The following CDK14 variants were observed in gnomAD, a reference collection of about 807,000 sequenced individuals.
CDK14 encodes the protein cyclin dependent kinase 14.
A neutral mutation model predicts 60.7 loss-of-function variants in CDK14; 34 were observed. That is an observed-to-expected ratio of 0.56 (90% CI 0.43 to 0.75). The LOEUF (loss-of-function observed/expected upper bound fraction) is 0.75. Ranked by LOEUF, CDK14 falls within the 30% of genes least tolerant of loss-of-function variation. The pLI is 0.00. For synonymous variants in CDK14, 197 were observed against 203.7 expected, an observed-to-expected ratio of 0.97 and a Z score of 0.28; for missense variants, 482 against 564.1, an observed-to-expected ratio of 0.85 and a Z score of 1.47.
In CDK14 at chr7:91,156,749, A is replaced by T. The variant is rs925278411; in HGVS notation, c.*28+38541A>T. Among the ~76,000 whole-genome samples, 5 of 152,300 alleles carry T rather than the reference A, an allele frequency of 3.3e-5. 1 individual carries two copies. Among genetic ancestry groups the T allele is most frequent in the Admixed American group, 6.5e-5 (1 of 15,292 alleles). On this transcript the variant is annotated intron_variant, in intron 14 of 14. Coordinates refer to ENST00000380050, the MANE Select transcript of CDK14 (RefSeq NM_001287135.2). ...GAAAAGCCATATGGTTTCAAATGAG[A>T]TTCCCATCACATTCTCTGCATTTGA...
At chr7:90,703,243 A>T (rs1563050316) in intron 2 of CDK14, among the ~76,000 whole-genome samples, 2 of 152,236 alleles carry the variant, frequency 1.3e-5, no homozygotes, top group East Asian at 3.9e-4. Context: ...GAGGTCTTAT[A>T]ATTTAATTCA....
intron 12 of CDK14, among the ~76,000 whole-genome samples, chr7:91,111,885 A>C (rs1270036906): frequency 1.3e-5 from 2 of 152,156 alleles, no homozygotes; most frequent in Non-Finnish European, 2.9e-5. Context: ...TACCACATGA[A>C]AGACTTTATT....
chr7:90,971,172 G>A (rs1203124504), intron 9 of CDK14, among the ~76,000 whole-genome samples: 4 of 141,492 alleles, frequency 2.8e-5, no homozygotes, highest in South Asian at 2.2e-4. Flanking sequence ...TTTTTGTCTC[G>A]TTTTAAAGAT....
rs1000013991 is a variant in CDK14, at chr7:91,097,103, G to A, written c.1155-15439G>A. On this transcript the variant is annotated intron_variant, in intron 12 of 14. Coordinates refer to ENST00000380050, the MANE Select transcript of CDK14 (RefSeq NM_001287135.2). Reference sequence around the variant, plus strand: ...TATTATATAAAAACATATTCGGGCCGGACACAGTGGCTCACACCTGTAATC... The same window carrying A: ...TATTATATAAAAACATATTCGGGCCAGACACAGTGGCTCACACCTGTAATC... Among the ~76,000 whole-genome samples the A allele has an allele frequency of 3.5e-4, 53 of 152,196 alleles. 1 individual carries two copies. Among genetic ancestry groups the A allele is most frequent in the Non-Finnish European group, 1.5e-4 (10 of 67,996 alleles).
intron 10 of CDK14, among the ~76,000 whole-genome samples, chr7:91,044,485 T>G (rs1179846874): frequency 6.6e-6 from 1 of 152,164 alleles, no homozygotes; most frequent in Non-Finnish European, 1.5e-5. Flanking sequence ...CTATCAGTCT[T>G]AAGGCCTGTG....
intron 12 of CDK14, among the ~76,000 whole-genome samples, chr7:91,110,244 T>C (rs1341444498): frequency 6.6e-6 from 1 of 152,134 alleles, no homozygotes; most frequent in Non-Finnish European, 1.5e-5. Context: ...CAAATATGTA[T>C]TAACTAAATA....
At chr7:91,051,864 CAT>C (rs1797402790) in intron 11 of CDK14, among the ~76,000 whole-genome samples, 1 of 152,148 alleles carries the variant, frequency 6.6e-6, no homozygotes, top group Admixed American at 6.5e-5. Flanking sequence ...TGCTGTGGTT[CAT>C]ATGTCTCTGC....
intron 14 of CDK14, among the ~76,000 whole-genome samples, chr7:91,161,181 G>A (rs987199534): frequency 1.3e-5 from 2 of 152,140 alleles, no homozygotes; most frequent in Admixed American, 6.5e-5. Flanking sequence ...GGGTCTGGAC[G>A]GGTTGATAGG....
chr7:90,885,361 A>T (rs1791908779), intron 6 of CDK14, among the ~76,000 whole-genome samples: 1 of 152,228 alleles, frequency 6.6e-6, no homozygotes, highest in Admixed American at 6.5e-5. Context: ...AGAAATGCAA[A>T]TCAAAACCAC....
chr7:90,968,796 C>T (rs1442791971), intron 9 of CDK14, among the ~76,000 whole-genome samples: 2 of 150,374 alleles, frequency 1.3e-5, no homozygotes, highest in Non-Finnish European at 3.0e-5. Flanking sequence ...TTTTTTCTCA[C>T]ACACTGGGTG....
At chr7:90,951,098 G>T (rs147631129) in intron 8 of CDK14, among the ~76,000 whole-genome samples, 2 of 152,262 alleles carry the variant, frequency 1.3e-5, no homozygotes, top group South Asian at 2.1e-4. Flanking sequence ...CCTTCACCCC[G>T]TGGACTGATT....
At chr7:91,134,335 A>G (rs1184430870) in intron 14 of CDK14, among the ~76,000 whole-genome samples, 1 of 152,078 alleles carries the variant, frequency 6.6e-6, no homozygotes, top group Non-Finnish European at 1.5e-5. Context: ...CATCCCCTAA[A>G]TATCTCCTGA....
intron 3 of CDK14, among the ~76,000 whole-genome samples, chr7:90,744,119 A>G (rs1435547755): frequency 6.6e-6 from 1 of 152,134 alleles, no homozygotes; most frequent in African/African-American, 2.4e-5. Flanking sequence ...TAAACAAGTG[A>G]ACAAAGGTCT....
intron 7 of CDK14, 64 bp downstream of exon 7, chr7:90,899,417 C>T: frequency 2.5e-6 from 3 of 1,216,566 alleles, no homozygotes; most frequent in Non-Finnish European, 3.4e-6. Flanking sequence ...GAACTGAAGT[C>T]TAGCATCTCT....
chr7:90,698,327 A>G (rs185186028), intron 2 of CDK14, among the ~76,000 whole-genome samples: 1 of 152,268 alleles, frequency 6.6e-6, no homozygotes, highest in Non-Finnish European at 1.5e-5. Flanking sequence ...TACATTATCT[A>G]CTATTAAAAT....
intron 11 of CDK14, among the ~76,000 whole-genome samples, chr7:91,056,080 C>G (rs975992538): frequency 6.6e-6 from 1 of 152,124 alleles, no homozygotes; most frequent in Non-Finnish European, 1.5e-5. Context: ...AAATCAAGAT[C>G]TTAGGAAGGG....
At chr7:90,735,663 AT>A (rs1454622778) in intron 3 of CDK14, among the ~76,000 whole-genome samples, 1 of 152,196 alleles carries the variant, frequency 6.6e-6, no homozygotes, top group African/African-American at 2.4e-5. Context: ...AGCAAAGGCG[AT>A]TCTCCCACCC....
At chr7:90,880,542 G>A (rs555920822) in intron 6 of CDK14, among the ~76,000 whole-genome samples, 163 of 152,276 alleles carry the variant, frequency 1.1e-3, no homozygotes, top group African/African-American at 3.8e-3. Context: ...CCAGATGAGT[G>A]GGTTTCCCCA....
At chr7:91,040,151 C>T (rs1797048271) in intron 10 of CDK14, among the ~76,000 whole-genome samples, 2 of 152,182 alleles carry the variant, frequency 1.3e-5, no homozygotes, top group Admixed American at 6.5e-5. Flanking sequence ...TTTCTCCTCG[C>T]CTTCCACCTG....
Sources: gnomAD v4.1 joint callset for allele counts (sites outside exome capture counted in the v4.1 genomes callset) on GRCh38, gnomAD v4.1.1 for gene constraint, MANE v1.5 for transcripts, NCBI Gene and HGNC (gene_info 2026-07-23, HGNC 2026-07-21) for gene names.